RBFOX1: variants seen among roughly 807,000 people sequenced by gnomAD.
RBFOX1 encodes RNA binding fox-1 homolog 1.
RBFOX1 carries 8 observed loss-of-function variants against 57.7 expected under a neutral mutation model. The observed-to-expected ratio is 0.14, with a 90% CI of 0.08 to 0.25. The LOEUF is 0.25. Among genes scored for constraint, RBFOX1 ranks in the 10% least tolerant of loss-of-function variants. The pLI is 1.00. For missense variants in RBFOX1, 611 were observed against 548.5 expected, an observed-to-expected ratio of 1.11 and a Z score of -1.14; for synonymous variants, 326 against 222.4, an observed-to-expected ratio of 1.47 and a Z score of -4.15.
rs74007008 is a variant in RBFOX1 at position 6,744,677 on chromosome 16, C to T, written c.-16+90027C>T. ...TATACATAAGACATATCAGATTTTG[C>T]GTAGTGTTATTAAACAATGCTTGAA... is the stretch of plus-strand genomic sequence containing the variant. On this transcript the variant is annotated intron_variant, in intron 3 of 15. Coordinates refer to ENST00000550418, the MANE Select transcript of RBFOX1 (RefSeq NM_018723.4). Among the ~76,000 whole-genome samples the T allele has an allele frequency of 4.5e-3, 686 of 151,966 alleles. 6 individuals are homozygous for T. Among genetic ancestry groups the T allele is most frequent in the African/African-American group, 0.015 (604 of 41,488 alleles).
chr16:7,455,285 C>T (rs1440238253), intron 4 of RBFOX1, among the ~76,000 whole-genome samples: 1 of 152,130 alleles, frequency 6.6e-6, no homozygotes, highest in East Asian at 1.9e-4. Flanking sequence ...ATACATCACC[C>T]TCCCTATATT....
chr16:6,820,408 G>A (rs937787466), intron 3 of RBFOX1, among the ~76,000 whole-genome samples: 8 of 152,152 alleles, frequency 5.3e-5, no homozygotes, highest in African/African-American at 1.9e-4. Context: ...TATAATCCCA[G>A]CATTTTGGGA....
chr16:6,764,962 G>C (rs569859619), intron 3 of RBFOX1, among the ~76,000 whole-genome samples: 2 of 151,952 alleles, frequency 1.3e-5, no homozygotes, highest in Non-Finnish European at 2.9e-5. Context: ...AAAAAGAAAA[G>C]AGTAAATTAA....
intron 3 of RBFOX1, among the ~76,000 whole-genome samples, chr16:6,962,959 C>T (rs559706450): frequency 1.4e-4 from 21 of 152,090 alleles, no homozygotes; most frequent in Non-Finnish European, 2.6e-4. Context: ...TTTGATCGCT[C>T]AGCAGTTTGC....
intron 3 of RBFOX1, among the ~76,000 whole-genome samples, chr16:5,854,043 A>G (rs1042148471): frequency 2.0e-5 from 3 of 152,308 alleles, no homozygotes; most frequent in Admixed American, 6.5e-5. Flanking sequence ...TGCCAGCTTT[A>G]TTGAGGCAGA....
Position 7,416,627 on chromosome 16 carries a change from C to T in RBFOX1, c.28-101520C>T, listed in dbSNP as rs907114018. 3.3e-5 allele frequency among the ~76,000 whole-genome samples: 5 copies of T among 152,264 alleles called. No individual in the cohort carries two copies. In the East Asian group the frequency reaches 5.8e-4, roughly 18 times the overall value. On this transcript the variant is annotated intron_variant, in intron 4 of 15. Transcript: ENST00000550418. ...GATAGTGCATATAGAAAAGCACCCA[C>T]GATTCCCAGTCATTGAAAACCAGAG...
intron 1 of RBFOX1, among the ~76,000 whole-genome samples, chr16:6,313,672 C>T (rs1194227101): frequency 6.6e-6 from 1 of 152,110 alleles, no homozygotes; most frequent in African/African-American, 2.4e-5. Flanking sequence ...CCAATGTCCT[C>T]CGAGTTTCCT....
At chr16:7,219,722 T>A (rs923930677) in intron 4 of RBFOX1, among the ~76,000 whole-genome samples, 1 of 152,188 alleles carries the variant, frequency 6.6e-6, no homozygotes, top group African/African-American at 2.4e-5. Flanking sequence ...AAGCAGGGAA[T>A]CTTTAAGAGT....
At chr16:7,126,089 C>A (rs921187577) in intron 4 of RBFOX1, among the ~76,000 whole-genome samples, 2 of 152,030 alleles carry the variant, frequency 1.3e-5, no homozygotes, top group African/African-American at 4.8e-5. Flanking sequence ...TCTCCCCCCA[C>A]CAAAAGAATA....
rs1287747367 is a variant in RBFOX1 at position 7,670,872 on chromosome 16, C to G, written c.931-5902C>G. 2.0e-5 allele frequency among the ~76,000 whole-genome samples: 3 copies of G among 152,162 alleles called. No homozygotes were observed. The East Asian group carries it at 5.8e-4, about 29-fold the overall frequency. Reference sequence around the variant, plus strand: ...TGACTCTTATGTCAAAAAACTGCATCCTAGTCCGCACAAGGATTCTACAGA... The same window carrying G: ...TGACTCTTATGTCAAAAAACTGCATGCTAGTCCGCACAAGGATTCTACAGA... On this transcript the variant is annotated intron_variant, in intron 13 of 15. Transcript: ENST00000550418.
intron 3 of RBFOX1, among the ~76,000 whole-genome samples, chr16:5,814,047 AGTT>A (rs1247391334): frequency 2.6e-5 from 4 of 152,248 alleles, no homozygotes; most frequent in Non-Finnish European, 5.9e-5. Context: ...TAGTAATAGT[AGTT>A]ATTATTACTA....
chr16:7,290,402 T>C (rs2095744884), intron 4 of RBFOX1, among the ~76,000 whole-genome samples: 2 of 152,240 alleles, frequency 1.3e-5, no homozygotes. Flanking sequence ...TTTAACCAGG[T>C]GACCTTAAAA....
At chr16:7,535,966 A>G (rs1419932180) in intron 5 of RBFOX1, among the ~76,000 whole-genome samples, 1 of 152,202 alleles carries the variant, frequency 6.6e-6, no homozygotes, top group Admixed American at 6.5e-5. Flanking sequence ...TGGAGATACA[A>G]GAGTGAATAA....
chr16:6,871,233 T>A (rs1457809993), intron 3 of RBFOX1, among the ~76,000 whole-genome samples: 1 of 152,198 alleles, frequency 6.6e-6, no homozygotes, highest in Non-Finnish European at 1.5e-5. Context: ...TCCCCCAGGC[T>A]GGAGTGCATT....
At chr16:7,618,669 T>A (rs2058843971) in intron 10 of RBFOX1, among the ~76,000 whole-genome samples, 1 of 152,216 alleles carries the variant, frequency 6.6e-6, no homozygotes, top group Non-Finnish European at 1.5e-5. Flanking sequence ...GGTGTATAAA[T>A]AGAAATAAAT....
intron 1 of RBFOX1, among the ~76,000 whole-genome samples, chr16:6,216,696 T>G (rs2152866972): frequency 6.6e-6 from 1 of 152,336 alleles, no homozygotes. Flanking sequence ...GATATCCCCT[T>G]CTAGCTGTGC....
Position 6,151,242 on chromosome 16 carries a change from C to T in RBFOX1, c.-127+131250C>T, listed in dbSNP as rs375333608. On this transcript the variant is annotated intron_variant, in intron 1 of 15. Coordinates refer to ENST00000550418, the MANE Select transcript of RBFOX1 (RefSeq NM_018723.4). The stretch of plus-strand genomic sequence containing the variant: ...GCCAGGCTTAAGGAACCCCGCGACA[C>T]CATTTGTTTTCAGGAATTGCATAAT... 6.6e-5 allele frequency among the ~76,000 whole-genome samples: 10 copies of T among 152,274 alleles called. No homozygotes were observed. The East Asian group carries it at 1.7e-3, about 26-fold the overall frequency.
At chr16:6,915,861 T>C (rs1013540387) in intron 3 of RBFOX1, among the ~76,000 whole-genome samples, 6 of 152,114 alleles carry the variant, frequency 3.9e-5, no homozygotes, top group African/African-American at 1.4e-4. Flanking sequence ...CTTCATTCCT[T>C]TTTATAGTTG....
chr16:7,087,947 G>A (rs1467467373), intron 4 of RBFOX1, among the ~76,000 whole-genome samples: 1 of 151,940 alleles, frequency 6.6e-6, no homozygotes, highest in Non-Finnish European at 1.5e-5. Context: ...ATTGACTTTG[G>A]GGATAAAGAT....
Sources: gnomAD v4.1 joint callset for allele counts (sites outside exome capture counted in the v4.1 genomes callset) on GRCh38, gnomAD v4.1.1 for gene constraint, MANE v1.5 for transcripts, NCBI Gene and HGNC (gene_info 2026-07-23, HGNC 2026-07-21) for gene names.